The following ZNF99 variants were observed in gnomAD, a reference collection of about 807,000 sequenced individuals.
ZNF99 encodes the protein zinc finger protein ENSP00000375192.
In ZNF99, 8 loss-of-function variants were observed where a neutral mutation model predicts 12.8. That is an observed-to-expected ratio of 0.62 (90% CI 0.37 to 1.13). The LOEUF (loss-of-function observed/expected upper bound fraction) is 1.13, where lower values mean the gene tolerates loss of function less well. Among genes scored for constraint, ZNF99 ranks in the 50% most tolerant of loss-of-function variants. The probability of loss-of-function intolerance (pLI) is 0.02; values close to 1 mark genes in which losing one functional copy is unlikely to be tolerated. For synonymous variants in ZNF99, 318 were observed against 319.0 expected (o/e 1.00, Z 0.03); for missense variants, 1,007 against 1,006.2 (o/e 1.00, Z -0.01).
chr19:22,760,598 G>A (rs911667816), intron 3 of ZNF99, among the ~76,000 whole-genome samples: 12 of 152,142 alleles, frequency 7.9e-5, no homozygotes, highest in African/African-American at 1.9e-4. Context: ...CAAAAAATTC[G>A]CCAGGTGTGG....
At chr19:22,772,521 T>C (rs1973284279) in intron 1 of ZNF99, among the ~76,000 whole-genome samples, 1 of 151,986 alleles carries the variant, frequency 6.6e-6, no homozygotes, top group African/African-American at 2.4e-5. Flanking sequence ...TCTACTAAAA[T>C]ACAAAATTAG....
At chr19:22,765,785 GA>G (rs1376239818) in intron 3 of ZNF99, among the ~76,000 whole-genome samples, 1 of 151,758 alleles carries the variant, frequency 6.6e-6, no homozygotes, top group Non-Finnish European at 1.5e-5. Flanking sequence ...AAGAGTTCAA[GA>G]TCAGCCCCAA....
At chr19:22,771,606 T>C (rs983972207) in intron 1 of ZNF99, among the ~76,000 whole-genome samples, 4 of 151,420 alleles carry the variant, frequency 2.6e-5, no homozygotes, top group Admixed American at 2.0e-4. Flanking sequence ...AGAACACAGA[T>C]GGAGCCTCAA....
In ZNF99 at chr19:22,769,960, C is replaced by T. The variant is rs150532118; in HGVS notation, c.4-636G>A. 1.2e-5 allele frequency: 17 copies of T among 1,361,798 alleles called. No homozygotes were observed. The East Asian group carries it at 6.4e-4, about 51-fold the overall frequency. The allele number at this position is 1,361,798 out of a possible 1,614,324, so 84.4% of individuals were successfully genotyped here. On this transcript the variant is annotated intron_variant, in intron 1 of 3. Coordinates refer to ENST00000596209, the MANE Select transcript of ZNF99 (RefSeq NM_001080409.3). ...TAAATCATACAGAATAAGTCTTGTA[C>T]ATTTTTCAGACCAAAAAGACATGTT...
At position 22,759,500 on chromosome 19, in the gene ZNF99, A is replaced by C; in HGVS notation, c.409T>G (p.Trp137Gly). Residue 137 changes from tryptophan to glycine, a missense_variant, in exon 4 of 4, where the codon TGG becomes GGG. Trp to Gly is a radical substitution (Grantham distance 184). Coordinates refer to ENST00000596209, the MANE Select transcript of ZNF99 (RefSeq NM_001080409.3). ...EEAYNKLNQC[W>G]TTTQGKIFQC... ...AATATTTTTCCCTGGGTAGTTGTCC[A>C]ACATTGGTTAAGTTTATTATAAGCT... 3.1e-6 allele frequency: 5 copies of C among 1,607,906 alleles called. No individual in the cohort carries two copies. The highest frequency in any genetic ancestry group is 4.2e-6 in the Non-Finnish European group (5 of 1,178,218).
At chr19:22,782,857 A>T (rs190436413) in intron 1 of ZNF99, among the ~76,000 whole-genome samples, 54 of 149,278 alleles carry the variant, frequency 3.6e-4, no homozygotes, top group African/African-American at 1.2e-3. Context: ...TTTATTAGAG[A>T]CGGAGTTTTA....
chr19:22,780,398 A>G (rs1973374257), intron 1 of ZNF99, among the ~76,000 whole-genome samples: 1 of 152,222 alleles, frequency 6.6e-6, no homozygotes, highest in South Asian at 2.1e-4. Flanking sequence ...TTTCCATTAA[A>G]AATCATGTAG....
At chr19:22,776,254 G>C (rs1023372686) in intron 1 of ZNF99, among the ~76,000 whole-genome samples, 7 of 150,708 alleles carry the variant, frequency 4.6e-5, no homozygotes, top group African/African-American at 1.7e-4. Context: ...AGGAGGCTGA[G>C]GCAGGAGAAT....
At chr19:22,781,212 A>C (rs748822532) in intron 1 of ZNF99, among the ~76,000 whole-genome samples, 14 of 152,142 alleles carry the variant, frequency 9.2e-5, no homozygotes, top group Non-Finnish European at 2.1e-4. Flanking sequence ...ATAAGTGAAC[A>C]AATCTTTTCA....
At chr19:22,770,636 T>C (rs540979960) in intron 1 of ZNF99, 1 of 151,166 alleles carries the variant, frequency 6.6e-6, no homozygotes, top group East Asian at 1.9e-4. Flanking sequence ...ATTACAGGCA[T>C]AAGCCACCGC....
rs1452317044 is a variant in ZNF99 at position 22,754,652 on chromosome 19, A to G, written c.*2662T>C. ...GGTTACAGTGTTTGCCACATTCTTC[A>G]TATTTGTAGGGCTAGTTTCCATTAT... On this transcript the variant is annotated 3_prime_UTR_variant, in exon 4 of 4. Transcript: ENST00000596209. The G allele has an allele frequency of 1.2e-5, 4 of 334,862 alleles. No individual in the cohort carries two copies. Among genetic ancestry groups the G allele is most frequent in the African/African-American group, 2.2e-5 (1 of 45,682 alleles). The allele number at this position is 334,862 out of a possible 1,614,324, so 20.7% of individuals were successfully genotyped here.
intron 3 of ZNF99, among the ~76,000 whole-genome samples, chr19:22,764,828 A>AT (rs1344269392): frequency 2.0e-5 from 3 of 152,184 alleles, no homozygotes; most frequent in Non-Finnish European, 4.4e-5. Flanking sequence ...AAATAAATAA[A>AT]TAAAAAAACA....
chr19:22,773,762 C>A (rs1973297126), intron 1 of ZNF99: 1 of 152,248 alleles, frequency 6.6e-6, no homozygotes, highest in East Asian at 1.9e-4. Flanking sequence ...CTCTCTTGAC[C>A]CCTACCATCT....
intron 1 of ZNF99, among the ~76,000 whole-genome samples, chr19:22,778,908 G>C (rs1237597115): frequency 2.6e-5 from 4 of 152,002 alleles, no homozygotes; most frequent in Non-Finnish European, 5.9e-5. Context: ...TCAGGAGGCT[G>C]AGGCAGGAGA....
intron 1 of ZNF99, among the ~76,000 whole-genome samples, chr19:22,780,964 T>C (rs35061555): frequency 0.19 from 29,350 of 152,072 alleles, 3,788 homozygotes; most frequent in African/African-American, 0.37. Context: ...TGGTAGCATT[T>C]GAAAAGTCAA....
chr19:22,783,912 G>C (rs1440901957), intron 1 of ZNF99, 102 bp downstream of exon 1: 2 of 1,452,234 alleles, frequency 1.4e-6, no homozygotes, highest in Non-Finnish European at 1.9e-6. Context: ...GGCGCAGACT[G>C]TGGAGCTCAC....
chr19:22,783,692 G>C (rs1973415510), intron 1 of ZNF99, among the ~76,000 whole-genome samples: 2 of 152,178 alleles, frequency 1.3e-5, no homozygotes, highest in African/African-American at 4.8e-5. Flanking sequence ...CCCGCACCCG[G>C]AGTCAGGATT....
chr19:22,778,322 G>T (rs1260489035), intron 1 of ZNF99, among the ~76,000 whole-genome samples: 1 of 151,998 alleles, frequency 6.6e-6, no homozygotes, highest in South Asian at 2.1e-4. Context: ...ATCCATTCCA[G>T]ACCAGGCCTC....
intron 1 of ZNF99, among the ~76,000 whole-genome samples, chr19:22,778,188 T>C (rs1422259321): frequency 2.0e-5 from 3 of 151,868 alleles, no homozygotes; most frequent in Non-Finnish European, 4.4e-5. Flanking sequence ...GGTCTGTTAT[T>C]AGAACTTTTT....
Sources: allele counts gnomAD v4.1 joint callset (sites outside exome capture counted in the v4.1 genomes callset), GRCh38; gene constraint gnomAD v4.1.1; transcripts MANE v1.5; gene names NCBI Gene and HGNC (gene_info 2026-07-23, HGNC 2026-07-21).